The following SPTBN1 variants were observed in gnomAD, a reference collection of about 807,000 sequenced individuals.
The protein encoded by SPTBN1 is spectrin beta, non-erythrocytic 1, also known as spectrin beta chain, non-erythrocytic 1.
Under a neutral mutation model 266.4 loss-of-function variants are expected in SPTBN1, and 32 were observed. That is an observed-to-expected ratio of 0.12 (90% CI 0.09 to 0.16). The LOEUF is 0.16. Among genes scored for constraint, SPTBN1 ranks in the 10% least tolerant of loss-of-function variants. The pLI is 1.00. For synonymous variants in SPTBN1, 1,336 were observed against 1,162.2 expected, an observed-to-expected ratio of 1.15 and a Z score of -3.04; for missense variants, 2,296 against 3,067.1, an observed-to-expected ratio of 0.75 and a Z score of 5.94.
chr2:54,572,980 C>T (rs1013241947), intron 2 of SPTBN1, among the ~76,000 whole-genome samples: 1 of 152,148 alleles, frequency 6.6e-6, no homozygotes, highest in Non-Finnish European at 1.5e-5. Flanking sequence ...TTTGCCACAG[C>T]GTGCTGGGAA....
chr2:54,478,081 A>G (rs566781574), intron 1 of SPTBN1, among the ~76,000 whole-genome samples: 158 of 152,184 alleles, frequency 1.0e-3, no homozygotes, highest in Admixed American at 3.0e-3. Flanking sequence ...TTAAGAAAAC[A>G]TTTTTCACAT....
chr2:54,569,442 G>A (rs549334582), intron 2 of SPTBN1, among the ~76,000 whole-genome samples: 2 of 152,250 alleles, frequency 1.3e-5, no homozygotes, highest in African/African-American at 2.4e-5. Context: ...AATAGTTCAC[G>A]TAAGATCCCA....
Position 54,645,849 on chromosome 2 carries a change from C to A in SPTBN1, c.4495-79C>A. Reference sequence around the variant, plus strand: ...TCTGAAGCTCACCCTTGCTGTCCCTCACTGCCCCTCACTGCTCGTTTGTGT... The same window carrying A: ...TCTGAAGCTCACCCTTGCTGTCCCTAACTGCCCCTCACTGCTCGTTTGTGT... On this transcript the variant is annotated intron_variant, in intron 21 of 35. Transcript: ENST00000356805. This position sits in a 1 kb window ranked among gnomAD's most constrained non-coding sequence, Gnocchi z 4.3. 6.7e-7 allele frequency: 1 copy of A among 1,488,678 alleles called. No individual in the cohort carries two copies. 92.2% of individuals were successfully genotyped at this position (1,488,678 alleles called of 1,614,324 possible).
At chr2:54,597,484 C>T (rs181918006) in intron 2 of SPTBN1, among the ~76,000 whole-genome samples, 1 of 152,284 alleles carries the variant, frequency 6.6e-6, no homozygotes, top group Non-Finnish European at 1.5e-5. Flanking sequence ...TGGCCTTTGT[C>T]CCTGGGGAAG....
At chr2:54,526,879 T>G in intron 2 of SPTBN1, 1 of 217,862 alleles carries the variant, frequency 4.6e-6, no homozygotes, top group Non-Finnish European at 9.1e-6. Flanking sequence ...AAGCATACTA[T>G]TCCTTATACT....
At chr2:54,504,940 T>A (rs779430816) in intron 1 of SPTBN1, among the ~76,000 whole-genome samples, 3 of 152,166 alleles carry the variant, frequency 2.0e-5, no homozygotes, top group Non-Finnish European at 4.4e-5. Flanking sequence ...TTCAGTGGGG[T>A]TGTGAAATCC....
At chr2:54,598,878 C>G (rs191221502) in intron 2 of SPTBN1, among the ~76,000 whole-genome samples, 106 of 152,282 alleles carry the variant, frequency 7.0e-4, no homozygotes, top group African/African-American at 2.4e-3. Context: ...TCCCAGTAAA[C>G]CCATCGTAAA....
rs543431538 is a variant in SPTBN1, at chr2:54,562,288, G to A, written c.148+35722G>A. Reference sequence around the variant, plus strand: ...ACTCATCATGCCACTTTCCCCCTCAGAAACAGTTGCTTGTGCCATTGTGTA... The same window carrying A: ...ACTCATCATGCCACTTTCCCCCTCAAAAACAGTTGCTTGTGCCATTGTGTA... On this transcript the variant is annotated intron_variant, in intron 2 of 35. Coordinates refer to ENST00000356805, the MANE Select transcript of SPTBN1 (RefSeq NM_003128.3). Among the ~76,000 whole-genome samples, 276 of 152,196 alleles carry A rather than the reference G, an allele frequency of 1.8e-3. 1 individual carries two copies. The highest frequency in any genetic ancestry group is 2.9e-3 in the Admixed American group (45 of 15,282).
chr2:54,495,751 A>G (rs1016329837), intron 1 of SPTBN1, among the ~76,000 whole-genome samples: 1 of 151,196 alleles, frequency 6.6e-6, no homozygotes, highest in Non-Finnish European at 1.5e-5. Context: ...TATTTGATGC[A>G]TGAGAGTCTA....
At chr2:54,498,256 G>T (rs540302534) in intron 1 of SPTBN1, among the ~76,000 whole-genome samples, 1 of 152,230 alleles carries the variant, frequency 6.6e-6, no homozygotes, top group Non-Finnish European at 1.5e-5. Flanking sequence ...AGACGGGAAT[G>T]TTCGGTAGAC....
intron 3 of SPTBN1, among the ~76,000 whole-genome samples, chr2:54,602,298 T>C (rs1676547305): frequency 6.6e-6 from 1 of 152,162 alleles, no homozygotes; most frequent in Non-Finnish European, 1.5e-5. Context: ...ACTTAGTAAT[T>C]AGACCTAGAT....
chr2:54,487,969 A>G (rs1021501678), intron 1 of SPTBN1, among the ~76,000 whole-genome samples: 2 of 151,578 alleles, frequency 1.3e-5, no homozygotes, highest in African/African-American at 2.4e-5. Flanking sequence ...AGCTGGGACT[A>G]TAGGCGCCTG....
intron 1 of SPTBN1, among the ~76,000 whole-genome samples, chr2:54,525,064 G>C (rs1573334855): frequency 1.3e-5 from 2 of 152,168 alleles, no homozygotes; most frequent in Admixed American, 1.3e-4. Flanking sequence ...TTTATCCCTA[G>C]CATCTGGTCC....
chr2:54,600,395 G>A (rs1676420919), intron 3 of SPTBN1, among the ~76,000 whole-genome samples: 1 of 152,128 alleles, frequency 6.6e-6, no homozygotes, highest in Admixed American at 6.5e-5. Flanking sequence ...AGGTCTTGTG[G>A]CCTCATTTTC....
chr2:54,482,379 T>C (rs1400052625), intron 1 of SPTBN1, among the ~76,000 whole-genome samples: 1 of 150,822 alleles, frequency 6.6e-6, no homozygotes, highest in Non-Finnish European at 1.5e-5. Context: ...AAGAAAAAAT[T>C]AGAAACAATT....
rs149660479 is a variant in SPTBN1 at position 54,554,464 on chromosome 2, T to G, written c.148+27898T>G. On this transcript the variant is annotated intron_variant, in intron 2 of 35. Coordinates refer to ENST00000356805, the MANE Select transcript of SPTBN1 (RefSeq NM_003128.3). This position sits in a 1 kb window ranked among gnomAD's most constrained non-coding sequence, Gnocchi z 4.5. Reference sequence around the variant, plus strand: ...GTGATGGTTCTGGTTATTACGGCCATTCAGTTTAAGTGGAGATTGATGATA... The same window carrying G: ...GTGATGGTTCTGGTTATTACGGCCAGTCAGTTTAAGTGGAGATTGATGATA... Among the ~76,000 whole-genome samples, 1,596 of 152,306 alleles carry G rather than the reference T, an allele frequency of 0.01. 15 individuals carry two copies. The highest frequency in any genetic ancestry group is 0.03 in the South Asian group (145 of 4,822).
intron 2 of SPTBN1, among the ~76,000 whole-genome samples, chr2:54,568,644 C>G (rs1298239652): frequency 1.3e-5 from 2 of 152,116 alleles, no homozygotes; most frequent in African/African-American, 2.4e-5. Context: ...TTCCTATTTG[C>G]TAGTCCTGCA....
chr2:54,618,674 G>T (rs1045884419), intron 7 of SPTBN1, among the ~76,000 whole-genome samples: 2 of 152,244 alleles, frequency 1.3e-5, no homozygotes, highest in East Asian at 3.8e-4. Flanking sequence ...TTTATCTGAA[G>T]GTGGCAAGCA....
intron 2 of SPTBN1, among the ~76,000 whole-genome samples, chr2:54,573,327 A>G (rs776270619): frequency 8.5e-5 from 13 of 152,162 alleles, no homozygotes; most frequent in Non-Finnish European, 1.3e-4. Flanking sequence ...TCCACCTCAG[A>G]TCATCAGGCA....
Sources: gnomAD v4.1 joint callset for allele counts (sites outside exome capture counted in the v4.1 genomes callset) on GRCh38, gnomAD v4.1.1 for gene constraint, Gnocchi (gnomAD v3.1) non-coding constraint, MANE v1.5 for transcripts, NCBI Gene and HGNC (gene_info 2026-07-23, HGNC 2026-07-21) for gene names.